CAAP1: variants seen among roughly 807,000 people sequenced by gnomAD.
CAAP1 encodes conserved anti-apoptotic protein.
CAAP1 carries 20 observed loss-of-function variants against 34.0 expected under a neutral mutation model. The observed-to-expected ratio is 0.59, with a 90% CI of 0.41 to 0.86. The LOEUF (loss-of-function observed/expected upper bound fraction) is 0.86, where lower values mean the gene tolerates loss of function less well. Ranked by LOEUF, CAAP1 falls within the 40% of genes least tolerant of loss-of-function variation. CAAP1 has a pLI of 0.00. For missense variants in CAAP1, 538 were observed against 450.5 expected (o/e 1.19, Z -1.76); for synonymous variants, 213 against 166.7 (o/e 1.28, Z -2.14).
At chr9:26,868,061 T>C (rs1181703718) in intron 4 of CAAP1, among the ~76,000 whole-genome samples, 1 of 152,204 alleles carries the variant, frequency 6.6e-6, no homozygotes, top group Admixed American at 6.5e-5. Context: ...TATCTACTAT[T>C]TATGTACATA....
rs138944996 is a variant in CAAP1, at chr9:26,841,055, A to G, written c.*1246T>C. 101 of 152,292 alleles carry G rather than the reference A, an allele frequency of 6.6e-4. 1 individual carries two copies. The highest frequency in any genetic ancestry group is 2.3e-3 in the African/African-American group (94 of 41,574). 9.4% of individuals were successfully genotyped at this position (152,292 alleles called of 1,614,324 possible). A position where few individuals can be genotyped will look rare whatever the true frequency, so the allele number is the denominator to read the frequency against. On this transcript the variant is annotated 3_prime_UTR_variant, in exon 6 of 6. Transcript: ENST00000333916. ...ACAACAAAAAGAATTTGTAACTGCA[A>G]TTCCAGCGTTTCATAAATGTCCTCT... is the stretch of plus-strand genomic sequence containing the variant.
intron 5 of CAAP1, among the ~76,000 whole-genome samples, chr9:26,860,199 T>A (rs1822970922): frequency 6.6e-6 from 1 of 152,170 alleles, no homozygotes; most frequent in Non-Finnish European, 1.5e-5. Context: ...TAAAAACTTA[T>A]TTTACTTTCA....
chr9:26,870,571 A>C (rs1823249968), intron 4 of CAAP1, among the ~76,000 whole-genome samples: 3 of 141,024 alleles, frequency 2.1e-5, no homozygotes, highest in African/African-American at 5.3e-5. Context: ...CACACGTATA[A>C]ATACACACAT....
chr9:26,859,623 G>A (rs1822958456), intron 5 of CAAP1, among the ~76,000 whole-genome samples: 1 of 152,112 alleles, frequency 6.6e-6, no homozygotes, highest in Admixed American at 6.5e-5. Context: ...TATACATGAG[G>A]TGTAAGGTAA....
At chr9:26,846,975 C>G (rs1187930867) in intron 5 of CAAP1, among the ~76,000 whole-genome samples, 1 of 152,084 alleles carries the variant, frequency 6.6e-6, no homozygotes, top group Admixed American at 6.6e-5. Flanking sequence ...ACATGAGCCA[C>G]TGCGCCCGGC....
chr9:26,847,569 C>A (rs1025500319), intron 5 of CAAP1, among the ~76,000 whole-genome samples: 8 of 152,056 alleles, frequency 5.3e-5, no homozygotes, highest in Non-Finnish European at 1.2e-4. Context: ...GTTGAGCATT[C>A]TTTTCCACGT....
chr9:26,878,025 T>C (rs1423204321), intron 4 of CAAP1, among the ~76,000 whole-genome samples: 1 of 152,208 alleles, frequency 6.6e-6, no homozygotes, highest in African/African-American at 2.4e-5. Flanking sequence ...GACTATTTTC[T>C]CTTATGATTT....
At chr9:26,855,810 G>A (rs773609912) in intron 5 of CAAP1, among the ~76,000 whole-genome samples, 1 of 152,080 alleles carries the variant, frequency 6.6e-6, no homozygotes, top group Non-Finnish European at 1.5e-5. Context: ...AATGAACTGG[G>A]TAAGAGCGTA....
intron 4 of CAAP1, among the ~76,000 whole-genome samples, chr9:26,871,066 T>C (rs1173374822): frequency 6.6e-6 from 1 of 152,224 alleles, no homozygotes; most frequent in Admixed American, 6.5e-5. Flanking sequence ...GAGGACTCTT[T>C]TATTCCCAAC....
intron 5 of CAAP1, among the ~76,000 whole-genome samples, chr9:26,853,934 T>C (rs1165933138): frequency 6.6e-6 from 1 of 152,164 alleles, no homozygotes; most frequent in Admixed American, 6.5e-5. Context: ...AACAAAACAG[T>C]AGGTTTGCTG....
chr9:26,870,028 A>T, intron 4 of CAAP1: 1 of 670,778 alleles, frequency 1.5e-6, no homozygotes, highest in Non-Finnish European at 1.8e-6. Flanking sequence ...TTTCTGTAAT[A>T]GAAAGAATAA....
At chr9:26,881,780 A>G (rs150750112) in intron 4 of CAAP1, among the ~76,000 whole-genome samples, 89 of 152,310 alleles carry the variant, frequency 5.8e-4, no homozygotes, top group African/African-American at 2.0e-3. Flanking sequence ...GGTTAGAACA[A>G]TTTGGAGGGC....
At chr9:26,845,030 C>T (rs186489878) in intron 5 of CAAP1, among the ~76,000 whole-genome samples, 6 of 152,246 alleles carry the variant, frequency 3.9e-5, no homozygotes, top group Admixed American at 3.9e-4. Flanking sequence ...TTATCAAGTC[C>T]CTGCTCAAAT....
chr9:26,850,365 G>C (rs1052189538), intron 5 of CAAP1, among the ~76,000 whole-genome samples: 5 of 152,126 alleles, frequency 3.3e-5, no homozygotes, highest in African/African-American at 1.2e-4. Context: ...CCCCAAAAAT[G>C]TCGAGATCTT....
At chr9:26,870,775 C>A (rs1314846307) in intron 4 of CAAP1, among the ~76,000 whole-genome samples, 4 of 151,800 alleles carry the variant, frequency 2.6e-5, no homozygotes, top group Non-Finnish European at 5.9e-5. Flanking sequence ...CGCCATCACA[C>A]CCAGCTAATT....
rs151094136 is a variant in CAAP1, at chr9:26,892,664, C to T, written c.52G>A (p.Glu18Lys). Residue 18 changes from glutamate (E) to lysine (K), a missense_variant, in exon 1 of 6, where the codon GAG becomes AAG. Physicochemically the swap from Glu to Lys is moderately conservative, Grantham distance 56 (BLOSUM62 1). Transcript: ENST00000333916. The part of the protein sequence containing the change: ...REKRRKRSSQ[E>K]AAAALAAPDI... ...GGGGCCGCGAGCGCTGCGGCCGCCT[C>T]CTGACTGCTACGTTTGCGCCGTTTC... is the stretch of plus-strand genomic sequence containing the variant. The T allele has an allele frequency of 3.7e-6, 6 of 1,606,972 alleles. No homozygotes were observed. Among genetic ancestry groups the T allele is most frequent in the South Asian group, 2.2e-5 (2 of 90,948 alleles).
intron 4 of CAAP1, 65 bp downstream of exon 4, chr9:26,884,745 C>T (rs1214038812): frequency 1.9e-6 from 2 of 1,054,546 alleles, no homozygotes; most frequent in African/African-American, 3.2e-5. Context: ...ATATCTTTGA[C>T]ATAAGAAATC....
At chr9:26,863,285 C>G (rs1213282743) in intron 4 of CAAP1, among the ~76,000 whole-genome samples, 1 of 152,056 alleles carries the variant, frequency 6.6e-6, no homozygotes, top group Non-Finnish European at 1.5e-5. Context: ...TTACACCACC[C>G]TGTGGCAGAA....
intron 4 of CAAP1, among the ~76,000 whole-genome samples, chr9:26,876,557 G>A (rs1823437607): frequency 6.7e-6 from 1 of 148,530 alleles, no homozygotes; most frequent in Non-Finnish European, 1.5e-5. Flanking sequence ...CTGTACAGGT[G>A]TATCATTTAT....
Sources: allele counts gnomAD v4.1 joint callset (sites outside exome capture counted in the v4.1 genomes callset), GRCh38; gene constraint gnomAD v4.1.1; transcripts MANE v1.5; gene names NCBI Gene and HGNC (gene_info 2026-07-23, HGNC 2026-07-21).